The following RBM33 variants were observed in gnomAD, a reference collection of about 807,000 sequenced individuals.
RBM33 encodes RNA-binding protein 33.
RBM33 carries 28 observed loss-of-function variants against 132.6 expected under a neutral mutation model. The observed-to-expected ratio is 0.21, with a 90% CI of 0.16 to 0.29. RBM33 has a LOEUF of 0.29. Among genes scored for constraint, RBM33 ranks in the 10% least tolerant of loss-of-function variants. The pLI is 1.00. For synonymous variants in RBM33, 634 were observed against 593.0 expected, an observed-to-expected ratio of 1.07 and a Z score of -1.01; for missense variants, 1,291 against 1,518.5, an observed-to-expected ratio of 0.85 and a Z score of 2.49.
intron 9 of RBM33, among the ~76,000 whole-genome samples, chr7:155,730,827 A>G (rs979074017): frequency 2.6e-5 from 4 of 152,224 alleles, no homozygotes; most frequent in African/African-American, 4.8e-5. Flanking sequence ...GACAGCATGT[A>G]AATAGTCAGT....
chr7:155,666,755 TTTATA>T (rs1359514885), intron 2 of RBM33, among the ~76,000 whole-genome samples: 3 of 152,214 alleles, frequency 2.0e-5, no homozygotes, highest in African/African-American at 7.2e-5. Context: ...TTAGGGACTG[TTTATA>T]TTATACTTAC....
intron 12 of RBM33, among the ~76,000 whole-genome samples, chr7:155,740,849 GT>G (rs1801308842): frequency 1.3e-5 from 2 of 152,084 alleles, no homozygotes; most frequent in Admixed American, 1.3e-4. Context: ...GTGGTCAGTG[GT>G]CAGGGCTCTT....
intron 13 of RBM33, among the ~76,000 whole-genome samples, chr7:155,742,455 A>G (rs1801380511): frequency 6.6e-6 from 1 of 152,204 alleles, no homozygotes; most frequent in Non-Finnish European, 1.5e-5. Flanking sequence ...CCATTTTAGC[A>G]CAAAGGCAAT....
chr7:155,711,298 G>GCACCCGCAC lies in RBM33; in HGVS notation c.1050_1058dup (p.His351_Pro353dup). On this transcript the variant is annotated inframe_insertion, in exon 8 of 18. Coordinates refer to ENST00000401878, the MANE Select transcript of RBM33 (RefSeq NM_053043.3). ...CGCTGCAGCCGCTGCTTCCGGTGCAGCACCCGCACCACCCATCCCCGCCTC... is the reference window on the plus strand; with the variant it reads ...CGCTGCAGCCGCTGCTTCCGGTGCAGCACCCGCACCACCCGCACCACCCATCCCCGCCTC... 1.2e-6 allele frequency: 2 copies of GCACCCGCAC among 1,606,886 alleles called. No individual in the cohort carries two copies. The highest frequency in any genetic ancestry group is 1.7e-6 in the Non-Finnish European group (2 of 1,176,866).
intron 9 of RBM33, among the ~76,000 whole-genome samples, chr7:155,731,930 AAG>A (rs1347676955): frequency 6.6e-6 from 1 of 152,244 alleles, no homozygotes; most frequent in Non-Finnish European, 1.5e-5. Context: ...TTAAATAATG[AAG>A]ATGGAAAGAT....
chr7:155,756,947 T>C (rs1354285596), intron 14 of RBM33, among the ~76,000 whole-genome samples: 1 of 152,132 alleles, frequency 6.6e-6, no homozygotes, highest in African/African-American at 2.4e-5. Context: ...CAAGTAATGA[T>C]TAGGACCACC....
chr7:155,724,523 G>A (rs937468030), intron 9 of RBM33, among the ~76,000 whole-genome samples: 7 of 152,146 alleles, frequency 4.6e-5, no homozygotes, highest in Admixed American at 3.9e-4. Flanking sequence ...GCGAGACTCC[G>A]TGTCAAGTAA....
At position 155,763,906 on chromosome 7, in the gene RBM33, C is replaced by T. The variant is rs199615009; in HGVS notation, c.3074C>T (p.Thr1025Met). The T allele has an allele frequency of 2.9e-5, 46 of 1,609,372 alleles. No homozygotes were observed. The Middle Eastern group carries it at 9.9e-4, about 35-fold the overall frequency. Residue 1025 changes from threonine to methionine, a missense_variant, in exon 15 of 18, where the codon ACG (threonine) becomes ATG (methionine). Thr to Met is a moderately conservative substitution (Grantham distance 81, BLOSUM62 -1). Transcript: ENST00000401878. ...GGACCACAGCCTGCCCGCAAGGTGA[C>T]GCTGACCAGGGGGGGCCTCCAGCAG... ...EVGPQPARKV[T>M]LTRGGLQQPP...
chr7:155,722,055 A>G (rs999460731), intron 9 of RBM33, among the ~76,000 whole-genome samples: 4 of 152,196 alleles, frequency 2.6e-5, no homozygotes, highest in African/African-American at 9.7e-5. Flanking sequence ...TTAGGCTTCC[A>G]TTTAAAAATT....
At chr7:155,746,827 A>G (rs1311252473) in intron 14 of RBM33, among the ~76,000 whole-genome samples, 1 of 152,248 alleles carries the variant, frequency 6.6e-6, no homozygotes, top group Non-Finnish European at 1.5e-5. Flanking sequence ...CTTCTAGAGT[A>G]AACCAGCTAG....
intron 5 of RBM33, among the ~76,000 whole-genome samples, chr7:155,695,658 A>G (rs565256337): frequency 1.3e-5 from 2 of 152,208 alleles, no homozygotes; most frequent in South Asian, 4.1e-4. Context: ...ACAGGGTTTC[A>G]CCACGTTGGC....
chr7:155,673,768 G>GCGCACGCACACACACACA (rs1554469952), intron 3 of RBM33, among the ~76,000 whole-genome samples: 2 of 132,962 alleles, frequency 1.5e-5, no homozygotes, highest in East Asian at 4.3e-4. Context: ...GCGCATGCGC[G>GCGCACGCACACACACACA]CACACACACA....
At chr7:155,716,963 A>G (rs1250110018) in intron 8 of RBM33, among the ~76,000 whole-genome samples, 1 of 152,154 alleles carries the variant, frequency 6.6e-6, no homozygotes, top group Non-Finnish European at 1.5e-5. Flanking sequence ...TATCACTTGA[A>G]ATTGAAGTGT....
At chr7:155,765,959 G>A (rs756700846) in intron 15 of RBM33, among the ~76,000 whole-genome samples, 1 of 152,130 alleles carries the variant, frequency 6.6e-6, no homozygotes, top group Non-Finnish European at 1.5e-5. Flanking sequence ...AGGGTTTCAG[G>A]GTAGCAAATG....
chr7:155,667,413 T>A (rs891762979), intron 2 of RBM33, among the ~76,000 whole-genome samples: 2 of 152,090 alleles, frequency 1.3e-5, no homozygotes, highest in African/African-American at 4.8e-5. Context: ...CCGTGCCCAG[T>A]TGTATTTTTA....
chr7:155,726,744 T>C (rs1312904165), intron 9 of RBM33, among the ~76,000 whole-genome samples: 6 of 152,256 alleles, frequency 3.9e-5, no homozygotes, highest in Admixed American at 2.6e-4. Context: ...GAACTTCTTA[T>C]GAATGTCAGA....
intron 5 of RBM33, chr7:155,684,896 TATGAGAAAAACTTGTTTTCTC>T: frequency 1.3e-6 from 2 of 1,543,250 alleles, no homozygotes; most frequent in East Asian, 4.9e-5. Flanking sequence ...CCCAAAGCTG[TATGAGAAAAACTTGTTTTCTC>T]TTTAATGGCT....
chr7:155,709,518 A>G (rs1027338174), intron 7 of RBM33, among the ~76,000 whole-genome samples: 1 of 151,830 alleles, frequency 6.6e-6, no homozygotes, highest in Non-Finnish European at 1.5e-5. Context: ...CATTTTCTCC[A>G]TCTCCCAACT....
chr7:155,738,952 C>G (rs1801225449), intron 11 of RBM33: 1 of 154,942 alleles, frequency 6.5e-6, no homozygotes, highest in Non-Finnish European at 1.4e-5. Flanking sequence ...TCTGTAACAT[C>G]TTTCTTACCA....
Sources: gnomAD v4.1 joint callset for allele counts (sites outside exome capture counted in the v4.1 genomes callset) on GRCh38, gnomAD v4.1.1 for gene constraint, MANE v1.5 for transcripts, NCBI Gene and HGNC (gene_info 2026-07-23, HGNC 2026-07-21) for gene names.